PPFIA1: variants seen among roughly 807,000 people sequenced by gnomAD.
PPFIA1 encodes liprin-alpha-1.
A neutral mutation model predicts 149.9 loss-of-function variants in PPFIA1; 25 were observed. The ratio of observed to expected loss-of-function variants is 0.17; its 90% CI spans 0.12 to 0.23. The LOEUF (loss-of-function observed/expected upper bound fraction) is 0.23. Ranked by LOEUF, PPFIA1 falls within the 10% of genes least tolerant of loss-of-function variation. The probability of loss-of-function intolerance (pLI) is 1.00; values close to 1 mark genes in which losing one functional copy is unlikely to be tolerated. For synonymous variants in PPFIA1, 549 were observed against 552.8 expected, an observed-to-expected ratio of 0.99 and a Z score of 0.10; for missense variants, 1,362 against 1,506.5, an observed-to-expected ratio of 0.90 and a Z score of 1.59.
At chr11:70,323,439 G>A (rs531866890) in intron 2 of PPFIA1, among the ~76,000 whole-genome samples, 1 of 152,240 alleles carries the variant, frequency 6.6e-6, no homozygotes, top group African/African-American at 2.4e-5. Context: ...GCTGGACAGA[G>A]GTAGGAAGGC....
At chr11:70,356,017 C>A in intron 18 of PPFIA1, 144 bp from the exon 19 acceptor site, 1 of 1,018,222 alleles carries the variant, frequency 9.8e-7, no homozygotes, top group Non-Finnish European at 1.5e-6. Context: ...GCATTTCCGT[C>A]TTGGGCATTT....
Position 70,272,154 on chromosome 11 carries a change from C to G in PPFIA1, c.1-19C>G, listed in dbSNP as rs760985646. ...GTATTCTGAGCTTAATTACTGTAGC[C>G]TGGGTCTTTCATTTCAAGATGATGT... On this transcript the variant is annotated intron_variant, in intron 1 of 27. Transcript: ENST00000253925. The G allele has an allele frequency of 1.2e-6, 2 of 1,611,242 alleles. No individual in the cohort carries two copies. Among genetic ancestry groups the G allele is most frequent in the Admixed American group, 1.7e-5 (1 of 59,844 alleles).
chr11:70,329,765 C>A (rs1015170128), intron 7 of PPFIA1: 2 of 156,196 alleles, frequency 1.3e-5, no homozygotes, highest in African/African-American at 4.8e-5. Context: ...TCTATTTCTA[C>A]AAAAAATTAA....
At chr11:70,356,123 G>A (rs1026742011) in intron 18 of PPFIA1, 38 bp from the exon 19 acceptor site, 7 of 1,473,516 alleles carry the variant, frequency 4.8e-6, no homozygotes, top group Non-Finnish European at 6.6e-6. Context: ...GCTTTGTCAT[G>A]CTGATTTTTA....
intron 2 of PPFIA1, among the ~76,000 whole-genome samples, chr11:70,302,100 CA>C (rs1169514804): frequency 6.6e-6 from 1 of 152,172 alleles, no homozygotes; most frequent in Non-Finnish European, 1.5e-5. Flanking sequence ...CAGCATAGCA[CA>C]GGAAAGGAGC....
intron 11 of PPFIA1, 26 bp from the exon 12 acceptor site, chr11:70,337,339 C>T (rs752491903): frequency 5.3e-5 from 81 of 1,515,000 alleles, no homozygotes; most frequent in Non-Finnish European, 7.0e-5. Flanking sequence ...TAAAGAAACA[C>T]TAAAGGACTA....
chr11:70,352,726 TGCGGAGGGCGGC>T (rs2056128167), intron 16 of PPFIA1, among the ~76,000 whole-genome samples: 1 of 119,872 alleles, frequency 8.3e-6, no homozygotes, highest in African/African-American at 3.2e-5. Context: ...TGTGGAGGGG[TGCGGAGGGCGGC>T]GTGTGGAGGG....
intron 2 of PPFIA1, among the ~76,000 whole-genome samples, chr11:70,298,101 A>G (rs1337360676): frequency 6.6e-6 from 1 of 152,182 alleles, no homozygotes; most frequent in Non-Finnish European, 1.5e-5. Flanking sequence ...AAAAAAGAAC[A>G]CATATTGAAT....
At chr11:70,377,931 C>T in intron 25 of PPFIA1, 99 bp from the exon 26 acceptor site, 1 of 941,502 alleles carries the variant, frequency 1.1e-6, no homozygotes, top group Non-Finnish European at 1.6e-6. Context: ...GACAAGAATA[C>T]ATTCTCGAGA....
At chr11:70,362,603 C>CCTG in intron 21 of PPFIA1, 115 bp downstream of exon 21, 1 of 1,113,152 alleles carries the variant, frequency 9.0e-7, no homozygotes, top group South Asian at 2.2e-5. Flanking sequence ...AAGTATAGTT[C>CCTG]TAATTCAAAA....
chr11:70,285,162 G>A (rs979382067), intron 2 of PPFIA1, among the ~76,000 whole-genome samples: 4 of 151,772 alleles, frequency 2.6e-5, no homozygotes, highest in South Asian at 2.1e-4. Flanking sequence ...GCCCGCCACC[G>A]TGCCCGGCTA....
In PPFIA1 at chr11:70,362,510, G is replaced by A. The variant is rs1252390615; in HGVS notation, c.2865+22G>A. On this transcript the variant is annotated intron_variant, in intron 21 of 27. Transcript: ENST00000253925. Reference sequence around the variant, plus strand: ...AACGGTACGTTCAGAGACAACCCCTGCATTCTTTGGAAACAGGGAATGCCT... The same window carrying A: ...AACGGTACGTTCAGAGACAACCCCTACATTCTTTGGAAACAGGGAATGCCT... 7 of 1,552,320 alleles carry A rather than the reference G, an allele frequency of 4.5e-6. No homozygotes were observed. The Admixed American group carries it at 9.7e-5, about 21-fold the overall frequency.
chr11:70,365,504 C>T (rs780571540), intron 21 of PPFIA1: 6 of 447,448 alleles, frequency 1.3e-5, no homozygotes, highest in Admixed American at 9.7e-5. Flanking sequence ...GGGTTCTTTG[C>T]CTTTTTGTTG....
intron 2 of PPFIA1, among the ~76,000 whole-genome samples, chr11:70,286,417 AATTTTT>A (rs2051128960): frequency 6.6e-6 from 1 of 151,998 alleles, no homozygotes; most frequent in Admixed American, 6.6e-5. Flanking sequence ...GCGCCCTGCT[AATTTTT>A]GTATTTTTGT....
At chr11:70,307,303 G>T (rs373334335) in intron 2 of PPFIA1, among the ~76,000 whole-genome samples, 1 of 152,174 alleles carries the variant, frequency 6.6e-6, no homozygotes, top group South Asian at 2.1e-4. Context: ...GCAAAAGATT[G>T]GAAGCAGGAA....
In PPFIA1 at chr11:70,367,925, C is replaced by T. The variant is rs185321617; in HGVS notation, c.2866-4290C>T. On this transcript the variant is annotated intron_variant, in intron 21 of 27. Coordinates refer to ENST00000253925, the MANE Select transcript of PPFIA1 (RefSeq NM_003626.5). Reference sequence around the variant, plus strand: ...CTGAGGCAGGTGGATCGCTTTCAGCCCAGGAGTTCAAGACCAGCCTGGGCA... The same window carrying T: ...CTGAGGCAGGTGGATCGCTTTCAGCTCAGGAGTTCAAGACCAGCCTGGGCA... 3.6e-3 allele frequency among the ~76,000 whole-genome samples: 552 copies of T among 152,210 alleles called. 2 individuals are homozygous for T. Among genetic ancestry groups the T allele is most frequent in the African/African-American group, 0.013 (524 of 41,524 alleles).
In PPFIA1 at chr11:70,383,268, T is replaced by C. The variant is rs1362352078; in HGVS notation, c.*278T>C. On this transcript the variant is annotated 3_prime_UTR_variant, in exon 28 of 28. Coordinates refer to ENST00000253925, the MANE Select transcript of PPFIA1 (RefSeq NM_003626.5). ...TTCATGTATATCCAGGCTATAAATA[T>C]CCTTTCAAATCATGTTCTTATACCT... 1 of 273,088 alleles carries C rather than the reference T, an allele frequency of 3.7e-6. No individual in the cohort carries two copies. Among genetic ancestry groups the C allele is most frequent in the Non-Finnish European group, 6.9e-6 (1 of 145,160 alleles). The allele number at this position is 273,088 out of a possible 1,614,324, so 16.9% of individuals were successfully genotyped here. A position where few individuals can be genotyped will look rare whatever the true frequency, so the allele number is the denominator to read the frequency against.
At chr11:70,302,404 T>C (rs2052546460) in intron 2 of PPFIA1, among the ~76,000 whole-genome samples, 1 of 152,038 alleles carries the variant, frequency 6.6e-6, no homozygotes, top group Admixed American at 6.6e-5. Context: ...AGGGCTGGAG[T>C]GCATTCTCTG....
chr11:70,273,423 A>C (rs2050208635), intron 2 of PPFIA1, among the ~76,000 whole-genome samples: 2 of 152,200 alleles, frequency 1.3e-5, no homozygotes, highest in African/African-American at 4.8e-5. Flanking sequence ...GGTGAGTGGC[A>C]CGGGGCATAG....
Sources: gnomAD v4.1 joint callset for allele counts (sites outside exome capture counted in the v4.1 genomes callset) on GRCh38, gnomAD v4.1.1 for gene constraint, MANE v1.5 for transcripts, NCBI Gene and HGNC (gene_info 2026-07-23, HGNC 2026-07-21) for gene names.